Variants in PPARGC1B observed in about 807,000 individuals in gnomAD.
PPARGC1B encodes the protein peroxisome proliferator-activated receptor gamma coactivator 1-beta.
In PPARGC1B, 34 loss-of-function variants were observed where a neutral mutation model predicts 101.6. The observed-to-expected ratio is 0.33, with a 90% CI of 0.25 to 0.45. The LOEUF (loss-of-function observed/expected upper bound fraction) is 0.45. PPARGC1B is among the 20% of genes least tolerant of loss of function. The pLI is 1.00. For missense variants in PPARGC1B, 1,234 were observed against 1,317.6 expected (o/e 0.94, Z 0.98); for synonymous variants, 548 against 539.3 (o/e 1.02, Z -0.22).
chr5:149,794,471 C>T (rs1306654002), intron 1 of PPARGC1B, among the ~76,000 whole-genome samples: 3 of 151,990 alleles, frequency 2.0e-5, no homozygotes, highest in Non-Finnish European at 4.4e-5. Context: ...GCACTTTGTT[C>T]TGATTTGCTG....
Position 149,832,840 on chromosome 5 carries a change from GC to G in PPARGC1B, c.772del (p.Gln258SerfsTer11). Reference protein sequence around the residue: ...EDKEPGEDCPSPQPAPASPRD... With the variant: ...EDKEPGEDCPXPQPAPASPRD... ...AAGGAGCCGGGTGAGGACTGCCCGA[GC>G]CCCCAGCCAGCTCCAGCCTCTCCCC... On this transcript the variant is annotated frameshift_variant, in exon 5 of 12. Coordinates refer to ENST00000309241, the MANE Select transcript of PPARGC1B (RefSeq NM_133263.4). LOFTEE classifies it high-confidence loss of function. This position sits in a 1 kb window ranked among gnomAD's most constrained non-coding sequence, Gnocchi z 4.9. 1 of 1,609,952 alleles carries G rather than the reference GC, an allele frequency of 6.2e-7. No homozygotes were observed. The highest frequency in any genetic ancestry group is 8.5e-7 in the Non-Finnish European group (1 of 1,177,666).
chr5:149,785,873 C>A (rs1305217034), intron 1 of PPARGC1B, among the ~76,000 whole-genome samples: 1 of 151,366 alleles, frequency 6.6e-6, no homozygotes, highest in African/African-American at 2.4e-5. Context: ...AGGCTTGGCT[C>A]AGAGTGAAGG....
intron 1 of PPARGC1B, among the ~76,000 whole-genome samples, chr5:149,734,093 G>C (rs932987895): frequency 6.6e-6 from 1 of 151,826 alleles, no homozygotes; most frequent in South Asian, 2.1e-4. Context: ...AGGCCGAGGC[G>C]GGTGAATCAC....
At chr5:149,826,997 C>T in intron 3 of PPARGC1B, 112 bp downstream of exon 3, 1 of 834,368 alleles carries the variant, frequency 1.2e-6, no homozygotes. Flanking sequence ...CTCCGTGCAT[C>T]ACTGGCAATA....
At chr5:149,761,778 GACTTATTA>G (rs1315340477) in intron 1 of PPARGC1B, among the ~76,000 whole-genome samples, 1 of 152,152 alleles carries the variant, frequency 6.6e-6, no homozygotes, top group Non-Finnish European at 1.5e-5. Flanking sequence ...AAAAGACTGT[GACTTATTA>G]ACTTGACAGG....
intron 1 of PPARGC1B, among the ~76,000 whole-genome samples, chr5:149,765,629 C>T (rs919988854): frequency 1.3e-5 from 2 of 152,006 alleles, no homozygotes; most frequent in African/African-American, 2.4e-5. Flanking sequence ...GAGGCCGAGG[C>T]GGGCGGATCA....
At chr5:149,740,263 A>G (rs1013151187) in intron 1 of PPARGC1B, 3 of 152,176 alleles carry the variant, frequency 2.0e-5, no homozygotes, top group African/African-American at 7.2e-5. Context: ...CTATCTAGGA[A>G]ATGGGGACGA....
chr5:149,808,097 A>G (rs1561565226), intron 1 of PPARGC1B, among the ~76,000 whole-genome samples: 1 of 152,242 alleles, frequency 6.6e-6, no homozygotes, highest in Non-Finnish European at 1.5e-5. Flanking sequence ...GTAGCCCTAC[A>G]GGAACCGAGG....
intron 1 of PPARGC1B, among the ~76,000 whole-genome samples, chr5:149,747,154 C>CT (rs1165378353): frequency 6.6e-6 from 1 of 152,100 alleles, no homozygotes; most frequent in Non-Finnish European, 1.5e-5. Flanking sequence ...GGTGTCATAT[C>CT]TAAGAAATCA....
intron 1 of PPARGC1B, among the ~76,000 whole-genome samples, chr5:149,744,961 C>T (rs1390538169): frequency 6.9e-6 from 1 of 145,734 alleles, no homozygotes; most frequent in Non-Finnish European, 1.5e-5. Flanking sequence ...CAAGCTGGTG[C>T]GATCAAGGAG....
intron 10 of PPARGC1B, 98 bp from the exon 11 acceptor site, chr5:149,845,662 A>C: frequency 7.6e-7 from 1 of 1,315,196 alleles, no homozygotes; most frequent in Non-Finnish European, 1.1e-6. Context: ...GTGGGTATCG[A>C]ATCACTGTGG....
At position 149,845,854 on chromosome 5, in the gene PPARGC1B, T is replaced by C; in HGVS notation, c.2911T>C (p.Ser971Pro). The stretch of plus-strand genomic sequence containing the variant: ...TGCCCTGAGGAAGCGCAACGAGCCC[T>C]CCTTCCAGCTGAGCTACGGAGGGCT... ...GAALRKRNEP[S>P]FQLSYGGLRH... The change falls in exon 11 of 12, where the codon TCC becomes CCC. Residue 971 changes from serine to proline, a missense_variant. Transcript: ENST00000309241. 1 of 1,614,230 alleles carries C rather than the reference T, an allele frequency of 6.2e-7. No homozygotes were observed. Among genetic ancestry groups the C allele is most frequent in the South Asian group, 1.1e-5 (1 of 91,088 alleles).
chr5:149,813,202 A>G (rs1466597189), intron 1 of PPARGC1B, among the ~76,000 whole-genome samples: 1 of 152,192 alleles, frequency 6.6e-6, no homozygotes, highest in Non-Finnish European at 1.5e-5. Flanking sequence ...TTGTCACCCT[A>G]GCAGATCTCA....
intron 1 of PPARGC1B, among the ~76,000 whole-genome samples, chr5:149,809,402 CCATA>C (rs1258441433): frequency 1.4e-5 from 1 of 73,014 alleles, no homozygotes; most frequent in Non-Finnish European, 2.8e-5. Flanking sequence ...TCCATCTCTA[CCATA>C]GATAGATAGA....
At chr5:149,732,374 T>C (rs13436048) in intron 1 of PPARGC1B, among the ~76,000 whole-genome samples, 2,765 of 152,298 alleles carry the variant, frequency 0.018, 81 homozygotes, top group African/African-American at 0.063. Context: ...CGGAGACTCG[T>C]TCAGGGACCC....
chr5:149,794,557 C>G (rs1414159525), intron 1 of PPARGC1B, among the ~76,000 whole-genome samples: 1 of 151,796 alleles, frequency 6.6e-6, no homozygotes, highest in Non-Finnish European at 1.5e-5. Flanking sequence ...CACACACATT[C>G]AAGCAAAATT....
chr5:149,782,234 G>A (rs1025445718), intron 1 of PPARGC1B, among the ~76,000 whole-genome samples: 3 of 152,070 alleles, frequency 2.0e-5, no homozygotes, highest in African/African-American at 4.8e-5. Flanking sequence ...CTTGGGAGTC[G>A]GATCCCTGTC....
intron 1 of PPARGC1B, among the ~76,000 whole-genome samples, chr5:149,798,715 C>T (rs530760881): frequency 2.0e-5 from 3 of 152,310 alleles, no homozygotes; most frequent in East Asian, 1.9e-4. Context: ...GGTCCAATTC[C>T]GACTACCCCT....
intron 1 of PPARGC1B, among the ~76,000 whole-genome samples, chr5:149,760,973 G>A (rs956348050): frequency 6.6e-6 from 1 of 152,322 alleles, no homozygotes; most frequent in East Asian, 1.9e-4. Context: ...TTAAAGCAGC[G>A]CAGGGCATCT....
Sources: gnomAD v4.1 joint callset for allele counts (sites outside exome capture counted in the v4.1 genomes callset) on GRCh38, gnomAD v4.1.1 for gene constraint, Gnocchi (gnomAD v3.1) non-coding constraint, MANE v1.5 for transcripts, NCBI Gene and HGNC (gene_info 2026-07-23, HGNC 2026-07-21) for gene names.